The following ZNF227 variants were observed in gnomAD, a reference collection of about 807,000 sequenced individuals.
ZNF227 encodes the protein zinc finger protein 227.
In ZNF227, 12 loss-of-function variants were observed where a neutral mutation model predicts 13.2. That is an observed-to-expected ratio of 0.91 (90% confidence interval 0.58 to 1.47). The LOEUF (loss-of-function observed/expected upper bound fraction) is 1.47, where lower values mean the gene tolerates loss of function less well. Ranked by LOEUF, ZNF227 falls within the 40% of genes most tolerant of loss-of-function variation. The probability of loss-of-function intolerance (pLI) is 0.00; values close to 1 mark genes in which losing one functional copy is unlikely to be tolerated. For synonymous variants in ZNF227, 338 were observed against 326.0 expected (o/e 1.04, Z -0.40); for missense variants, 885 against 967.5 (o/e 0.91, Z 1.13).
chr19:44,222,102 G>A (rs1166685992), intron 3 of ZNF227, among the ~76,000 whole-genome samples: 1 of 151,956 alleles, frequency 6.6e-6, no homozygotes, highest in Non-Finnish European at 1.5e-5. Context: ...TGAGGGCTCT[G>A]TTCTGTTCCA....
intron 5 of ZNF227, among the ~76,000 whole-genome samples, chr19:44,230,951 A>ATCTATATCTATATATATATATCTC (rs1973764611): frequency 3.0e-5 from 4 of 132,728 alleles, no homozygotes; most frequent in African/African-American, 1.3e-4. Context: ...ATATATATAT[A>ATCTATATCTATATATATATATCTC]TATCTTAGCC....
chr19:44,236,536 T>C lies in ZNF227; in HGVS notation c.2106T>C (p.Asn702=). The change falls in exon 6 of 6, where the codon AAT becomes AAC. Residue 702 remains asparagine, a synonymous_variant. Coordinates refer to ENST00000313040, the MANE Select transcript of ZNF227 (RefSeq NM_182490.3). Reference sequence around the variant, plus strand: ...GGAAAGGCTTTGGTAGGAGCTTGAATCTTCGCCATCATCAGAGGGTCCACA... The same window carrying C: ...GGAAAGGCTTTGGTAGGAGCTTGAACCTTCGCCATCATCAGAGGGTCCACA... The part of the protein sequence containing the change: ...ECGKGFGRSL[N]LRHHQRVHTG... 1 of 1,613,974 alleles carries C rather than the reference T, an allele frequency of 6.2e-7. No homozygotes were observed. Among genetic ancestry groups the C allele is most frequent in the Admixed American group, 1.7e-5 (1 of 59,986 alleles).
chr19:44,216,002 A>AG (rs1399318225), intron 2 of ZNF227, among the ~76,000 whole-genome samples: 1 of 139,006 alleles, frequency 7.2e-6, no homozygotes, highest in Non-Finnish European at 1.5e-5. Context: ...AAAAAAAAAA[A>AG]AAAAAAAAGA....
At chr19:44,210,053 A>T (rs1342636069), upstream of ZNF227, among the ~76,000 whole-genome samples, 1 of 152,196 alleles carries the variant, frequency 6.6e-6, no homozygotes, top group Non-Finnish European at 1.5e-5. Context: ...TGAAATGGAA[A>T]CCTGCAGATC....
At chr19:44,217,178 G>A (rs913337315) in intron 2 of ZNF227, among the ~76,000 whole-genome samples, 8 of 151,794 alleles carry the variant, frequency 5.3e-5, no homozygotes, top group Admixed American at 2.0e-4. Flanking sequence ...TGGCCAGGCT[G>A]GTCTCAAACT....
chr19:44,208,587 G>A (rs1971265243), upstream of ZNF227, among the ~76,000 whole-genome samples: 1 of 152,160 alleles, frequency 6.6e-6, no homozygotes, highest in African/African-American at 2.4e-5. Context: ...GAAGCACTAG[G>A]TTTCTTATGG....
rs564089613 is a variant in ZNF227, at chr19:44,215,227, C to G, written c.-3+1983C>G. Among the ~76,000 whole-genome samples, 5 of 147,486 alleles carry G rather than the reference C, an allele frequency of 3.4e-5. No individual in the cohort carries two copies. In the South Asian group the frequency reaches 1.1e-3, roughly 32 times the overall value. ...TGTCGCCCAGACCGGAGTGCAGTGG[C>G]GCCATCTCGGTTCACTGCAGCCTCT... is the stretch of plus-strand genomic sequence containing the variant. On this transcript the variant is annotated intron_variant, in intron 2 of 5. Coordinates refer to ENST00000313040, the MANE Select transcript of ZNF227 (RefSeq NM_182490.3).
intron 3 of ZNF227, among the ~76,000 whole-genome samples, chr19:44,227,630 C>A (rs575271665): frequency 7.9e-5 from 12 of 152,300 alleles, no homozygotes; most frequent in African/African-American, 2.9e-4. Flanking sequence ...TGGCTCACTG[C>A]ACCGTCAAAC....
chr19:44,226,365 C>T (rs1178722531), intron 3 of ZNF227, among the ~76,000 whole-genome samples: 1 of 152,212 alleles, frequency 6.6e-6, no homozygotes, highest in Admixed American at 6.5e-5. Flanking sequence ...TGTTTGTGCC[C>T]TGCCCCTAGA....
chr19:44,225,461 C>T (rs559128492), intron 3 of ZNF227, among the ~76,000 whole-genome samples: 170 of 152,262 alleles, frequency 1.1e-3, no homozygotes, highest in African/African-American at 3.5e-3. Context: ...AGGCTTTGTT[C>T]GTTTCTTTTT....
At chr19:44,211,371 A>T (rs1046947686), upstream of ZNF227, among the ~76,000 whole-genome samples, 2 of 152,258 alleles carry the variant, frequency 1.3e-5, no homozygotes, top group African/African-American at 4.8e-5. Context: ...ATATATATTT[A>T]GTAAATGAGA....
rs1193338675 is a variant in ZNF227 at position 44,235,482 on chromosome 19, C to G, written c.1052C>G (p.Pro351Arg). The G allele has an allele frequency of 6.2e-7, 1 of 1,614,088 alleles. No individual in the cohort carries two copies. The highest frequency in any genetic ancestry group is 2.2e-5 in the East Asian group (1 of 44,886). The change falls in exon 6 of 6, where the codon CCC (proline) becomes CGC (arginine). Residue 351 changes from proline (P) to arginine (R), a missense_variant. By Grantham distance (103) the Pro-to-Arg change is moderately radical. Transcript: ENST00000313040. ...TACAGAACTCATACTGGAGAGAAAC[C>G]CTATAAATGCGAGGAATGTGGTAAA... ...IHYRTHTGEK[P>R]YKCEECGKCF...
intron 4 of ZNF227, among the ~76,000 whole-genome samples, chr19:44,229,505 G>T (rs892285173): frequency 6.6e-6 from 1 of 152,106 alleles, no homozygotes; most frequent in Non-Finnish European, 1.5e-5. Context: ...CCAACTACTC[G>T]GGAGGCTGAG....
chr19:44,221,057 T>A (rs1161186216), intron 3 of ZNF227, among the ~76,000 whole-genome samples: 1 of 152,086 alleles, frequency 6.6e-6, no homozygotes, highest in Non-Finnish European at 1.5e-5. Context: ...AGTCTATCAT[T>A]GTTGGACATT....
At chr19:44,229,564 A>G (rs547494773) in intron 4 of ZNF227, among the ~76,000 whole-genome samples, 169 bp from the exon 5 acceptor site, 1 of 152,336 alleles carries the variant, frequency 6.6e-6, no homozygotes, top group African/African-American at 2.4e-5. Flanking sequence ...GTGAGCCGAG[A>G]TTGTGCCATT....
At chr19:44,215,454 AT>A (rs34991562) in intron 2 of ZNF227, among the ~76,000 whole-genome samples, 322 of 144,168 alleles carry the variant, frequency 2.2e-3, no homozygotes, top group African/African-American at 5.7e-3. Context: ...TATATGTATA[AT>A]TTTTTTTTTT....
chr19:44,209,267 C>G (rs1971285046), upstream of ZNF227, among the ~76,000 whole-genome samples: 1 of 152,170 alleles, frequency 6.6e-6, no homozygotes, highest in Admixed American at 6.5e-5. Context: ...AACATTTTGT[C>G]TATCTTATTG....
chr19:44,237,232 T>C lies in ZNF227; in HGVS notation c.*402T>C, dbSNP rs1599860725. 6.1e-6 allele frequency: 1 copy of C among 162,750 alleles called. No homozygotes were observed. Among genetic ancestry groups the C allele is most frequent in the African/African-American group, 2.4e-5 (1 of 41,696 alleles). The allele number at this position is 162,750 out of a possible 1,614,324, so 10.1% of individuals were successfully genotyped here. The stretch of plus-strand genomic sequence containing the variant: ...ATTATTTTCATAAAAGCTGTAAAGC[T>C]ATGAAAAATGAATAAAATTACTAAA... On this transcript the variant is annotated 3_prime_UTR_variant, in exon 6 of 6. Transcript: ENST00000313040.
chr19:44,218,023 A>G (rs1410491977), intron 3 of ZNF227, among the ~76,000 whole-genome samples, 171 bp downstream of exon 3: 1 of 152,220 alleles, frequency 6.6e-6, no homozygotes, highest in Admixed American at 6.5e-5. Context: ...ACTATTTTAC[A>G]AAACAGTGTT....
Sources: gnomAD v4.1 joint callset for allele counts (sites outside exome capture counted in the v4.1 genomes callset) on GRCh38, gnomAD v4.1.1 for gene constraint, MANE v1.5 for transcripts, NCBI Gene and HGNC (gene_info 2026-07-23, HGNC 2026-07-21) for gene names.